Variants in CUTC observed in about 807,000 individuals in gnomAD.
CUTC encodes cutC copper transporter.
Under a neutral mutation model 36.2 loss-of-function variants are expected in CUTC, and 27 were observed. The ratio of observed to expected loss-of-function variants is 0.75; its 90% CI spans 0.55 to 1.03. CUTC has a LOEUF of 1.03. Among genes scored for constraint, CUTC ranks in the 50% least tolerant of loss-of-function variants. The probability of loss-of-function intolerance (pLI) is 0.00; values close to 1 mark genes in which losing one functional copy is unlikely to be tolerated. For missense variants in CUTC, 315 were observed against 343.5 expected, an observed-to-expected ratio of 0.92 and a Z score of 0.66; for synonymous variants, 114 against 118.3, an observed-to-expected ratio of 0.96 and a Z score of 0.24.
At chr10:99,733,223 C>T (rs1434588336) in intron 1 of CUTC, among the ~76,000 whole-genome samples, 1 of 152,128 alleles carries the variant, frequency 6.6e-6, no homozygotes, top group Non-Finnish European at 1.5e-5. Flanking sequence ...GCAGGAGAAT[C>T]ACTTGAACCC....
chr10:99,732,253 G>C lies in CUTC; in HGVS notation c.-96G>C. On this transcript the variant is annotated 5_prime_UTR_variant, in exon 1 of 9. Transcript: ENST00000370476. ...GTAGGTGTCGGGGACGCGCGCACGG[G>C]CGCGCGCAGCTGTTGACGCGCTTCT... The C allele has an allele frequency of 2.0e-6, 3 of 1,529,340 alleles. No homozygotes were observed. Among genetic ancestry groups the C allele is most frequent in the South Asian group, 2.4e-5 (2 of 82,130 alleles). The allele number at this position is 1,529,340 out of a possible 1,614,324, so 94.7% of individuals were successfully genotyped here.
intron 7 of CUTC, 28 bp from the exon 8 acceptor site, chr10:99,754,501 T>G (rs756719217): frequency 7.2e-7 from 1 of 1,393,428 alleles, no homozygotes; most frequent in South Asian, 1.2e-5. Context: ...TCTATTTTAC[T>G]TAATGTGTTA....
At position 99,755,660 on chromosome 10, in the gene CUTC, G is replaced by T. The variant is rs1286977785; in HGVS notation, c.743G>T (p.Cys248Phe). The change falls in exon 9 of 9, where the codon TGC becomes TTC. Residue 248 changes from cysteine to phenylalanine, a missense_variant. Physicochemically the swap from Cys to Phe is radical, Grantham distance 205 (BLOSUM62 -2). Coordinates refer to ENST00000370476, the MANE Select transcript of CUTC (RefSeq NM_015960.3). ...SSVAMGASLSCSEYSLKVTDV... is the reference protein window; with the variant it reads ...SSVAMGASLSFSEYSLKVTDV... ...GTTGCCATGGGAGCCTCACTTTCTT[G>T]CTCAGAATATTCCCTAAAGGTAACA... 6.2e-7 allele frequency: 1 copy of T among 1,613,724 alleles called. No individual in the cohort carries two copies. The highest frequency in any genetic ancestry group is 1.7e-5 in the Admixed American group (1 of 59,974).
Position 99,754,643 on chromosome 10 carries a change from G to A in CUTC, c.707+9G>A. On this transcript the variant is annotated intron_variant, in intron 8 of 8. Transcript: ENST00000370476. ...TCGGGAATGAAGTTTCGGTAAAAAT[G>A]TATTCTTCGATTCAAATAAGAAGGA... The A allele has an allele frequency of 6.4e-7, 1 of 1,570,572 alleles. No homozygotes were observed. Among genetic ancestry groups the A allele is most frequent in the Non-Finnish European group, 8.7e-7 (1 of 1,145,006 alleles).
chr10:99,748,280 G>T (rs947136025), intron 6 of CUTC, among the ~76,000 whole-genome samples: 2 of 152,276 alleles, frequency 1.3e-5, no homozygotes, highest in South Asian at 4.2e-4. Flanking sequence ...TAGCACAGTG[G>T]TTGGCATATA....
intron 3 of CUTC, among the ~76,000 whole-genome samples, chr10:99,740,596 G>A (rs912817430): frequency 6.6e-6 from 1 of 151,654 alleles, no homozygotes; most frequent in East Asian, 1.9e-4. Flanking sequence ...TTTTCTTATG[G>A]TGTACCTGAG....
chr10:99,732,291 G>C lies in CUTC; in HGVS notation c.-58G>C. On this transcript the variant is annotated 5_prime_UTR_variant, in exon 1 of 9. Transcript: ENST00000370476. ...TTGACGCGCTTCTTAGCTGGTGCGC[G>C]CCGGAGCCCAAATTCCAAGTGGAAA... 2.6e-6 allele frequency: 4 copies of C among 1,547,982 alleles called. No individual in the cohort carries two copies. Among genetic ancestry groups the C allele is most frequent in the Non-Finnish European group, 3.5e-6 (4 of 1,145,594 alleles).
At chr10:99,736,137 C>T in intron 1 of CUTC, 109 bp from the exon 2 acceptor site, 1 of 780,696 alleles carries the variant, frequency 1.3e-6, no homozygotes, top group Non-Finnish European at 2.2e-6. Context: ...TTATCTATTA[C>T]CTGTTATTGG....
chr10:99,732,553 C>G (rs1379382797), intron 1 of CUTC, 144 bp downstream of exon 1: 1 of 1,454,912 alleles, frequency 6.9e-7, no homozygotes, highest in Non-Finnish European at 9.0e-7. Flanking sequence ...ATCTTTGAGG[C>G]GTTAAAGGTG....
rs753134206 is a variant in CUTC at position 99,736,286 on chromosome 10, A to G, written c.102A>G (p.Ser34=). ...TTCTCATGGAAGTTTGTGTTGATTC[A>G]GTGGAATCAGCTGTGAATGCAGAAA... ...NGFLMEVCVD[S]VESAVNAERG... The change falls in exon 2 of 9, where the codon TCA becomes TCG. Residue 34 remains serine, a synonymous_variant. Coordinates refer to ENST00000370476, the MANE Select transcript of CUTC (RefSeq NM_015960.3). 22 of 1,613,624 alleles carry G rather than the reference A, an allele frequency of 1.4e-5. No homozygotes were observed. The highest frequency in any genetic ancestry group is 1.7e-5 in the Non-Finnish European group (20 of 1,179,706).
chr10:99,732,253 G>T lies in CUTC; in HGVS notation c.-96G>T. ...GTAGGTGTCGGGGACGCGCGCACGG[G>T]CGCGCGCAGCTGTTGACGCGCTTCT... On this transcript the variant is annotated 5_prime_UTR_variant, in exon 1 of 9. Coordinates refer to ENST00000370476, the MANE Select transcript of CUTC (RefSeq NM_015960.3). 6.5e-7 allele frequency: 1 copy of T among 1,529,340 alleles called. No individual in the cohort carries two copies. Among genetic ancestry groups the T allele is most frequent in the Non-Finnish European group, 8.8e-7 (1 of 1,137,512 alleles). 94.7% of individuals were successfully genotyped at this position (1,529,340 alleles called of 1,614,324 possible).
intron 4 of CUTC, 46 bp from the exon 5 acceptor site, chr10:99,743,991 G>T: frequency 6.5e-7 from 1 of 1,532,224 alleles, no homozygotes; most frequent in Non-Finnish European, 9.0e-7. Context: ...ATAGTAATCA[G>T]TGATGACATC....
rs762934544 is a variant in CUTC at position 99,750,410 on chromosome 10, T to C, written c.601+14T>C. 3 of 1,585,114 alleles carry C rather than the reference T, an allele frequency of 1.9e-6. No homozygotes were observed. The highest frequency in any genetic ancestry group is 1.8e-5 in the Admixed American group (1 of 54,996). On this transcript the variant is annotated intron_variant, in intron 7 of 8. Transcript: ENST00000370476. ...TGGTAATGCCAGGTATTTATTTATC[T>C]ATCAATTCACTAGCATAACACTGAA...
chr10:99,734,765 A>T lies in CUTC; in HGVS notation c.62-1481A>T, dbSNP rs79940914. Among the ~76,000 whole-genome samples the T allele has an allele frequency of 2.0e-3, 298 of 152,278 alleles. 2 individuals are homozygous for T. Among genetic ancestry groups the T allele is most frequent in the African/African-American group, 7.0e-3 (290 of 41,546 alleles). On this transcript the variant is annotated intron_variant, in intron 1 of 8. Transcript: ENST00000370476. Reference sequence around the variant, plus strand: ...TTGATTATTGTGTACCATGGTAGATACTGTGCTTGGTGTGGGTGATGATAA... The same window carrying T: ...TTGATTATTGTGTACCATGGTAGATTCTGTGCTTGGTGTGGGTGATGATAA...
intron 3 of CUTC, 66 bp from the exon 4 acceptor site, chr10:99,743,087 T>G (rs2037352300): frequency 6.8e-7 from 1 of 1,462,952 alleles, no homozygotes; most frequent in African/African-American, 1.4e-5. Context: ...GTCTGGTAAA[T>G]GACCAATAAT....
chr10:99,732,460 G>T, intron 1 of CUTC, 51 bp downstream of exon 1: 1 of 1,547,566 alleles, frequency 6.5e-7, no homozygotes, highest in Non-Finnish European at 8.7e-7. Flanking sequence ...TCCCCGGGGC[G>T]GGCCGGCGGG....
Position 99,743,222 on chromosome 10 carries a change from A to AT in CUTC, c.269dup (p.Leu90PhefsTer6). Reference sequence around the variant, plus strand: ...GTGATGATTCGGCCACGGGGAGGTGATTTTTTGTATTCAGATCGTGAAATT... The same window carrying AT: ...GTGATGATTCGGCCACGGGGAGGTGATTTTTTTGTATTCAGATCGTGAAATT... On this transcript the variant is annotated frameshift_variant, in exon 4 of 9. Coordinates refer to ENST00000370476, the MANE Select transcript of CUTC (RefSeq NM_015960.3). LOFTEE classifies it high-confidence loss of function. 3 of 1,614,028 alleles carry AT rather than the reference A, an allele frequency of 1.9e-6. No individual in the cohort carries two copies. The highest frequency in any genetic ancestry group is 2.5e-6 in the Non-Finnish European group (3 of 1,179,992).
Position 99,732,243 on chromosome 10 carries a change from G to A in CUTC, c.-106G>A. On this transcript the variant is annotated 5_prime_UTR_variant, in exon 1 of 9. Transcript: ENST00000370476. ...CTGCTGGGGCGTAGGTGTCGGGGAC[G>A]CGCGCACGGGCGCGCGCAGCTGTTG... The A allele has an allele frequency of 6.6e-7, 1 of 1,523,594 alleles. No homozygotes were observed. The highest frequency in any genetic ancestry group is 1.2e-5 in the South Asian group (1 of 81,204). The allele number at this position is 1,523,594 out of a possible 1,614,324, so 94.4% of individuals were successfully genotyped here. A position where few individuals can be genotyped will look rare whatever the true frequency, so the allele number is the denominator to read the frequency against.
intron 5 of CUTC, among the ~76,000 whole-genome samples, chr10:99,745,811 C>G (rs1305463211): frequency 2.0e-5 from 3 of 152,156 alleles, no homozygotes; most frequent in African/African-American, 7.2e-5. Flanking sequence ...GAGCCGAGAC[C>G]GTGCCACTGC....
Sources: gnomAD v4.1 joint callset for allele counts (sites outside exome capture counted in the v4.1 genomes callset) on GRCh38, gnomAD v4.1.1 for gene constraint, MANE v1.5 for transcripts, NCBI Gene and HGNC (gene_info 2026-07-23, HGNC 2026-07-21) for gene names.